The following GALNT13 variants were observed in gnomAD, a reference collection of about 807,000 sequenced individuals.
GALNT13 encodes UDP-GalNAc:polypeptide N-acetylgalactosaminyltransferase 13.
In GALNT13, 28 loss-of-function variants were observed where a neutral mutation model predicts 64.2. The observed-to-expected ratio is 0.44, with a 90% CI of 0.32 to 0.60. The LOEUF is 0.60. GALNT13 is among the 20% of genes least tolerant of loss of function. The pLI is 0.05. For synonymous variants in GALNT13, 214 were observed against 224.6 expected, an observed-to-expected ratio of 0.95 and a Z score of 0.42; for missense variants, 577 against 669.8, an observed-to-expected ratio of 0.86 and a Z score of 1.53.
At chr2:154,057,350 A>C (rs2105359155) in intron 3 of GALNT13, among the ~76,000 whole-genome samples, 1 of 152,310 alleles carries the variant, frequency 6.6e-6, no homozygotes, top group African/African-American at 2.4e-5. Context: ...ATTTTAAAAC[A>C]ATTTTAGATT....
At chr2:153,126,433 A>C in the GALNT13 span, among the ~76,000 whole-genome samples, 167 of 151,452 alleles carry the variant, frequency 1.1e-3, 1 homozygote, top group Middle Eastern at 6.8e-3. Context: ...ACTTCTAACA[A>C]AATGTTTTCA....
At chr2:153,810,948 G>A in the GALNT13 span, among the ~76,000 whole-genome samples, 1 of 152,084 alleles carries the variant, frequency 6.6e-6, no homozygotes, top group Admixed American at 6.5e-5. Context: ...AATTGTCATT[G>A]TTTTACTATA....
At chr2:154,390,596 A>G (rs1214799185) in intron 9 of GALNT13, among the ~76,000 whole-genome samples, 1 of 152,116 alleles carries the variant, frequency 6.6e-6, no homozygotes, top group Non-Finnish European at 1.5e-5. Flanking sequence ...TCCATGGTGT[A>G]TATATACCAC....
intron 3 of GALNT13, among the ~76,000 whole-genome samples, chr2:154,066,488 A>G (rs539414488): frequency 7.0e-6 from 1 of 142,818 alleles, no homozygotes; most frequent in African/African-American, 2.4e-5. Flanking sequence ...GCAGCAAGAG[A>G]AAAGAGACAA....
chr2:154,441,512 C>T (rs952467688), intron 12 of GALNT13, among the ~76,000 whole-genome samples: 1 of 152,068 alleles, frequency 6.6e-6, no homozygotes, highest in Admixed American at 6.6e-5. Context: ...TTAAAGTTCT[C>T]TCCTTTAAGC....
At chr2:153,734,046 G>C in the GALNT13 span, among the ~76,000 whole-genome samples, 108 of 152,178 alleles carry the variant, frequency 7.1e-4, no homozygotes, top group African/African-American at 2.5e-3. Context: ...CCGTGTTGGT[G>C]TTCTATTTCA....
At chr2:153,678,870 T>C in the GALNT13 span, among the ~76,000 whole-genome samples, 1 of 151,974 alleles carries the variant, frequency 6.6e-6, no homozygotes, top group Non-Finnish European at 1.5e-5. Flanking sequence ...TGGAACTACA[T>C]ATCCCAGAAT....
intron 9 of GALNT13, among the ~76,000 whole-genome samples, chr2:154,332,451 G>GT (rs1235325945): frequency 2.0e-5 from 3 of 151,982 alleles, no homozygotes; most frequent in Non-Finnish European, 2.9e-5. Context: ...ATCTAACCAG[G>GT]TAAGATGTTA....
intron 3 of GALNT13, among the ~76,000 whole-genome samples, chr2:154,122,656 G>C (rs1196937522): frequency 5.9e-5 from 9 of 151,878 alleles, no homozygotes; most frequent in Admixed American, 5.9e-4. Flanking sequence ...GTAGTTTTGT[G>C]TGTTTTGATA....
At chr2:154,321,910 T>C (rs1166602145) in intron 9 of GALNT13, among the ~76,000 whole-genome samples, 2 of 152,046 alleles carry the variant, frequency 1.3e-5, no homozygotes, top group African/African-American at 4.8e-5. Context: ...TTCTTTAAGG[T>C]GATGTTTCTT....
chr2:153,345,754 CTTCCTTCCTTCCTTCCTTCT>C, the GALNT13 span, among the ~76,000 whole-genome samples: 1 of 136,690 alleles, frequency 7.3e-6, no homozygotes, highest in African/African-American at 2.8e-5. Flanking sequence ...TCCTTCCTTC[CTTCCTTCCTTCCTTCCTTCT>C]TTCTCTCTTT....
the GALNT13 span, among the ~76,000 whole-genome samples, chr2:153,615,232 T>C: frequency 1.1e-4 from 16 of 152,116 alleles, no homozygotes; most frequent in Non-Finnish European, 2.2e-4. Flanking sequence ...TGAGTAGTAC[T>C]CCATTGTGTA....
chr2:154,058,278 CA>C (rs2105361271), intron 3 of GALNT13, among the ~76,000 whole-genome samples: 1 of 151,954 alleles, frequency 6.6e-6, no homozygotes, highest in East Asian at 1.9e-4. Flanking sequence ...TGATCTCCTC[CA>C]GACTCCAGAT....
At chr2:153,858,087 A>G in the GALNT13 span, among the ~76,000 whole-genome samples, 8 of 152,212 alleles carry the variant, frequency 5.3e-5, no homozygotes, top group Non-Finnish European at 1.0e-4. Flanking sequence ...AAAGAGAGAT[A>G]GGTGTATCAA....
At chr2:153,621,343 A>G in the GALNT13 span, among the ~76,000 whole-genome samples, 1 of 152,144 alleles carries the variant, frequency 6.6e-6, no homozygotes, top group Non-Finnish European at 1.5e-5. Flanking sequence ...TAAAAATAAT[A>G]TGACCCAAAA....
chr2:154,444,754 G>A (rs1240098598), intron 12 of GALNT13, among the ~76,000 whole-genome samples: 2 of 151,810 alleles, frequency 1.3e-5, no homozygotes, highest in Admixed American at 1.3e-4. Context: ...TCAATATATT[G>A]ATCAAATATC....
At chr2:153,719,521 G>A in the GALNT13 span, among the ~76,000 whole-genome samples, 1 of 152,184 alleles carries the variant, frequency 6.6e-6, no homozygotes, top group Non-Finnish European at 1.5e-5. Context: ...GCAGAAGACG[G>A]GTGATTTCTG....
chr2:154,127,610 CCTT>C (rs1349974485), intron 3 of GALNT13, among the ~76,000 whole-genome samples: 1 of 150,934 alleles, frequency 6.6e-6, no homozygotes, highest in Non-Finnish European at 1.5e-5. Context: ...ATATTTTAGA[CCTT>C]CTAAAAATAT....
rs116177194 is a variant in GALNT13, at chr2:153,909,809, G to C, written c.-105+8802G>C. Among the ~76,000 whole-genome samples, 832 of 152,108 alleles carry C rather than the reference G, an allele frequency of 5.5e-3. 5 individuals carry two copies. The highest frequency in any genetic ancestry group is 0.018 in the African/African-American group (765 of 41,504). Reference sequence around the variant, plus strand: ...GATCATGGTGGATTAGCTTTTTGATGGCACTGCTGGATTTGGTTTGCTGGT... The same window carrying C: ...GATCATGGTGGATTAGCTTTTTGATCGCACTGCTGGATTTGGTTTGCTGGT... On this transcript the variant is annotated intron_variant, in intron 2 of 12. Coordinates refer to ENST00000392825, the MANE Select transcript of GALNT13 (RefSeq NM_052917.4).
Sources: gnomAD v4.1 joint callset for allele counts (sites outside exome capture counted in the v4.1 genomes callset) on GRCh38, gnomAD v4.1.1 for gene constraint, MANE v1.5 for transcripts, NCBI Gene and HGNC (gene_info 2026-07-23, HGNC 2026-07-21) for gene names.